The following SHOC2 variants were observed in gnomAD, a reference collection of about 807,000 sequenced individuals.
SHOC2 encodes the protein leucine-rich repeat protein SHOC-2.
A neutral mutation model predicts 50.2 loss-of-function variants in SHOC2; 4 were observed. That is an observed-to-expected ratio of 0.08 (90% CI 0.04 to 0.18). The LOEUF (loss-of-function observed/expected upper bound fraction) is 0.18, where lower values mean the gene tolerates loss of function less well. SHOC2 is among the 10% of genes least tolerant of loss of function. The pLI is 1.00. For synonymous variants in SHOC2, 218 were observed against 244.5 expected, an observed-to-expected ratio of 0.89 and a Z score of 1.01; for missense variants, 388 against 669.6, an observed-to-expected ratio of 0.58 and a Z score of 4.64.
chr10:110,973,144 A>G (rs1054822388), intron 2 of SHOC2, among the ~76,000 whole-genome samples: 4 of 152,222 alleles, frequency 2.6e-5, no homozygotes, highest in Non-Finnish European at 4.4e-5. Context: ...AATCTGTTCA[A>G]ACTTGTGGGA....
At chr10:110,928,817 C>A (rs1258056625) in intron 1 of SHOC2, among the ~76,000 whole-genome samples, 1 of 152,054 alleles carries the variant, frequency 6.6e-6, no homozygotes, top group East Asian at 1.9e-4. Context: ...ATGGCTGGAG[C>A]CTAGGAGGTG....
intron 1 of SHOC2, among the ~76,000 whole-genome samples, chr10:110,945,701 G>A (rs1847233867): frequency 6.6e-6 from 1 of 152,038 alleles, no homozygotes; most frequent in Non-Finnish European, 1.5e-5. Context: ...CTCAGACTCT[G>A]ACTCTCCATG....
At chr10:110,947,937 A>G (rs917198598) in intron 1 of SHOC2, among the ~76,000 whole-genome samples, 1 of 152,156 alleles carries the variant, frequency 6.6e-6, no homozygotes, top group Admixed American at 6.5e-5. Flanking sequence ...GAGTTTTTTA[A>G]AATATATTTT....
rs931627740 is a variant in SHOC2, at chr10:111,012,374, A to C, written c.*556A>C. 6.5e-6 allele frequency: 1 copy of C among 154,072 alleles called. No homozygotes were observed. 9.5% of individuals were successfully genotyped at this position (154,072 alleles called of 1,614,324 possible). On this transcript the variant is annotated 3_prime_UTR_variant, in exon 9 of 9. Transcript: ENST00000369452. ...TTTATTCAGTCAAATCTAGAGTTTG[A>C]ATCCTCTGCTAAAGAATTTGCATCC... is the stretch of plus-strand genomic sequence containing the variant.
At chr10:110,977,930 T>C (rs2134138235) in intron 2 of SHOC2, among the ~76,000 whole-genome samples, 1 of 152,342 alleles carries the variant, frequency 6.6e-6, no homozygotes, top group East Asian at 1.9e-4. Context: ...CTAATGCAGA[T>C]AAGAATTTAG....
intron 6 of SHOC2, among the ~76,000 whole-genome samples, chr10:111,008,962 G>C (rs1389232364): frequency 2.0e-5 from 3 of 152,052 alleles, no homozygotes; most frequent in Non-Finnish European, 4.4e-5. Flanking sequence ...TTTCCTATTA[G>C]ATAAACATTT....
chr10:110,947,370 G>A (rs1264931607), intron 1 of SHOC2, among the ~76,000 whole-genome samples: 14 of 152,346 alleles, frequency 9.2e-5, no homozygotes, highest in East Asian at 3.9e-4. Flanking sequence ...CATGCTGTCC[G>A]GAATCTCTGG....
chr10:110,958,543 C>T (rs1847512087), intron 1 of SHOC2, among the ~76,000 whole-genome samples: 1 of 152,074 alleles, frequency 6.6e-6, no homozygotes. Context: ...TTATCTTCCC[C>T]AGAGTACCAG....
intron 6 of SHOC2, 74 bp downstream of exon 6, chr10:111,007,727 T>A: frequency 6.9e-7 from 1 of 1,453,950 alleles, no homozygotes; most frequent in Non-Finnish European, 9.6e-7. Context: ...CAAATTTAAA[T>A]AAGCAATTTC....
chr10:111,008,225 C>T (rs1848505393), intron 6 of SHOC2, among the ~76,000 whole-genome samples: 1 of 149,688 alleles, frequency 6.7e-6, no homozygotes, highest in Admixed American at 6.7e-5. Flanking sequence ...ATTTTCACCT[C>T]TTCAGTTAAG....
intron 1 of SHOC2, among the ~76,000 whole-genome samples, chr10:110,940,311 G>C (rs945809591): frequency 3.9e-5 from 6 of 152,096 alleles, no homozygotes; most frequent in African/African-American, 1.4e-4. Flanking sequence ...TGTGGTGTAT[G>C]TTCTTCTATT....
chr10:111,000,183 ATTAAC>A (rs1181149963), intron 3 of SHOC2, among the ~76,000 whole-genome samples: 6 of 152,220 alleles, frequency 3.9e-5, no homozygotes, highest in Non-Finnish European at 7.3e-5. Flanking sequence ...TCATTTAAAA[ATTAAC>A]TTAACAGCTG....
intron 2 of SHOC2, among the ~76,000 whole-genome samples, chr10:110,983,133 T>C (rs1391585746): frequency 6.6e-6 from 1 of 152,138 alleles, no homozygotes; most frequent in African/African-American, 2.4e-5. Context: ...ATTTTTGTAA[T>C]ATGTCCTTTT....
intron 1 of SHOC2, among the ~76,000 whole-genome samples, chr10:110,930,989 T>A (rs1389713762): frequency 6.6e-6 from 1 of 152,082 alleles, no homozygotes; most frequent in Admixed American, 6.6e-5. Flanking sequence ...TAAACAGGAA[T>A]TTTCAGTTCT....
chr10:110,959,332 AAATGG>A (rs1847529659), intron 1 of SHOC2, among the ~76,000 whole-genome samples: 1 of 152,242 alleles, frequency 6.6e-6, no homozygotes, highest in Non-Finnish European at 1.5e-5. Flanking sequence ...TTTTTGTGTA[AAATGG>A]AATTAGGTGC....
At chr10:110,993,277 C>T (rs1386009067) in intron 3 of SHOC2, among the ~76,000 whole-genome samples, 1 of 152,188 alleles carries the variant, frequency 6.6e-6, no homozygotes, top group Non-Finnish European at 1.5e-5. Context: ...GTGGTTAAAA[C>T]CACTCATTGA....
At chr10:110,926,765 A>AT (rs1846784594) in intron 1 of SHOC2, among the ~76,000 whole-genome samples, 1 of 152,208 alleles carries the variant, frequency 6.6e-6, no homozygotes, top group Non-Finnish European at 1.5e-5. Context: ...GAAAAATTCC[A>AT]TTCAAAATGA....
At chr10:110,942,479 C>G (rs1847167081) in intron 1 of SHOC2, among the ~76,000 whole-genome samples, 2 of 152,148 alleles carry the variant, frequency 1.3e-5, no homozygotes, top group Non-Finnish European at 2.9e-5. Context: ...CCACAAGGTG[C>G]TAGGATTATA....
chr10:110,959,801 A>C (rs1293488900), intron 1 of SHOC2, among the ~76,000 whole-genome samples: 1 of 152,192 alleles, frequency 6.6e-6, no homozygotes, highest in Non-Finnish European at 1.5e-5. Context: ...CTGCTTTTTA[A>C]ATTTTCTGCC....
Sources: allele counts gnomAD v4.1 joint callset (sites outside exome capture counted in the v4.1 genomes callset), GRCh38; gene constraint gnomAD v4.1.1; transcripts MANE v1.5; gene names NCBI Gene and HGNC (gene_info 2026-07-23, HGNC 2026-07-21).